KIF7: variants seen among roughly 807,000 people sequenced by gnomAD.
The protein encoded by KIF7 is kinesin family member 7, also known as kinesin-like protein KIF7.
A neutral mutation model predicts 135.7 loss-of-function variants in KIF7; 104 were observed. The ratio of observed to expected loss-of-function variants is 0.77; its 90% CI spans 0.65 to 0.90. KIF7 has a LOEUF of 0.90. Ranked by LOEUF, KIF7 falls within the 40% of genes least tolerant of loss-of-function variation. The pLI, the probability that KIF7 is intolerant of heterozygous loss-of-function variation, is 0.00. For synonymous variants in KIF7, 883 were observed against 809.4 expected (o/e 1.09, Z -1.54); for missense variants, 2,005 against 1,839.1 (o/e 1.09, Z -1.65).
chr15:89,643,488 C>T (rs768845079), intron 10 of KIF7, among the ~76,000 whole-genome samples: 12 of 152,112 alleles, frequency 7.9e-5, no homozygotes, highest in Non-Finnish European at 1.5e-4. Context: ...TATCAAGTGA[C>T]GACTGTATGA....
At chr15:89,622,670 C>G (rs1963445830) in intron 1 of KIF7, among the ~76,000 whole-genome samples, 1 of 152,186 alleles carries the variant, frequency 6.6e-6, no homozygotes, top group South Asian at 2.1e-4. Flanking sequence ...CAGGGTCTTC[C>G]GTGGTCTGTT....
At position 89,648,226 on chromosome 15, in the gene KIF7, A is replaced by ATGC. The variant is rs138023957; in HGVS notation, c.1443+28_1443+29insGCA. 17 of 1,475,956 alleles carry ATGC rather than the reference A, an allele frequency of 1.2e-5. No homozygotes were observed. The Admixed American group carries it at 2.8e-4, about 24-fold the overall frequency. 91.4% of individuals were successfully genotyped at this position (1,475,956 alleles called of 1,614,324 possible). On this transcript the variant is annotated intron_variant, in intron 5 of 18. Transcript: ENST00000394412. ...TCTCCACCACTCCCCACTGCCCACA[A>ATGC]CCACAACCACAACCTGTCCCTCGGC...
upstream of KIF7, among the ~76,000 whole-genome samples, chr15:89,655,782 C>A (rs889439778): frequency 6.6e-6 from 1 of 152,248 alleles, no homozygotes; most frequent in African/African-American, 2.4e-5. Context: ...GCCACTCACA[C>A]AGCCGGCAGA....
downstream of KIF7, chr15:89,624,429 C>A (rs1431641371): frequency 6.2e-7 from 1 of 1,614,058 alleles, no homozygotes; most frequent in African/African-American, 1.3e-5. Flanking sequence ...TGGACACCGT[C>A]CCTCCTCCAC....
At position 89,629,117 on chromosome 15, in the gene KIF7, G is replaced by C; in HGVS notation, c.3523C>G (p.Leu1175Val). 1 of 1,612,356 alleles carries C rather than the reference G, an allele frequency of 6.2e-7. No individual in the cohort carries two copies. The highest frequency in any genetic ancestry group is 1.1e-5 in the South Asian group (1 of 90,934). ...QLLLQQSRDHLGEGLADSRRQ... is the reference protein window; with the variant it reads ...QLLLQQSRDHVGEGLADSRRQ... ...CTGCTGTCTGCTAACCCTTCACCGA[G>C]GTGGTCTAGAGTGGAAAGGTCGAGG... is the stretch of plus-strand genomic sequence containing the variant. The change falls in exon 18 of 19, where the codon CTC becomes GTC. Residue 1175 changes from leucine (L) to valine (V), a missense_variant. Physicochemically the swap from Leu to Val is conservative, Grantham distance 32. Coordinates refer to ENST00000394412, the MANE Select transcript of KIF7 (RefSeq NM_198525.3).
In KIF7 at chr15:89,644,994, C is replaced by T. The variant is rs777687843; in HGVS notation, c.2191+19G>A. On this transcript the variant is annotated intron_variant, in intron 10 of 18. Transcript: ENST00000394412. ...AAGTCCCCCTCGGGTGAGAGGCCCA[C>T]CTGATGCCCACGCCTCACCTGTGCG... The T allele has an allele frequency of 1.6e-5, 26 of 1,606,718 alleles. No individual in the cohort carries two copies. The highest frequency in any genetic ancestry group is 2.7e-5 in the African/African-American group (2 of 74,944).
chr15:89,631,561 G>A lies in KIF7; in HGVS notation c.3045C>T (p.Asp1015=), dbSNP rs369139209. The A allele has an allele frequency of 6.4e-7, 1 of 1,574,734 alleles. No homozygotes were observed. Among genetic ancestry groups the A allele is most frequent in the Non-Finnish European group, 8.6e-7 (1 of 1,158,900 alleles). Residue 1015 remains aspartate (D), a synonymous_variant, in exon 15 of 19, where the codon GAC becomes GAT. Transcript: ENST00000394412. ...GEIDSLRQEK[D]SLLKQRLEID... ...TCTCCAGGCGCTGCTTGAGCAGCGA[G>A]TCCTTCTCCTGGCGCAGGCTGTCGA... is the stretch of plus-strand genomic sequence containing the variant.
At chr15:89,622,377 C>G (rs2141982635) in intron 1 of KIF7, among the ~76,000 whole-genome samples, 1 of 152,304 alleles carries the variant, frequency 6.6e-6, no homozygotes, top group African/African-American at 2.4e-5. Flanking sequence ...ACAGGCTTTT[C>G]CCTCTCAAAG....
chr15:89,662,391 G>C, the KIF7 span, among the ~76,000 whole-genome samples: 2 of 152,226 alleles, frequency 1.3e-5, no homozygotes, highest in African/African-American at 4.8e-5. Context: ...CAGCTATTCA[G>C]GAGGCTGAGG....
downstream of KIF7, chr15:89,624,431 C>G: frequency 6.2e-7 from 1 of 1,614,180 alleles, no homozygotes; most frequent in Non-Finnish European, 8.5e-7. Flanking sequence ...GACACCGTCC[C>G]TCCTCCACCC....
In KIF7 at chr15:89,645,903, G is replaced by T; in HGVS notation, c.1912C>A (p.His638Asn). 2 of 1,613,480 alleles carry T rather than the reference G, an allele frequency of 1.2e-6. No homozygotes were observed. The highest frequency in any genetic ancestry group is 1.7e-6 in the Non-Finnish European group (2 of 1,179,938). The change falls in exon 8 of 19, where the codon CAC becomes AAC. Residue 638 changes from histidine to asparagine, a missense_variant. Transcript: ENST00000394412. ...GTGGGTCCCACTCACCTGCGCAGGT[G>T]TAAGGTCCGCCTGGGCGGCTCCTCC... ...EEEEPPRRTLHLRRNRISNCS... is the reference protein window; with the variant it reads ...EEEEPPRRTLNLRRNRISNCS...
intron 1 of KIF7, among the ~76,000 whole-genome samples, chr15:89,621,151 C>G (rs548842381): frequency 1.3e-5 from 2 of 152,134 alleles, no homozygotes; most frequent in African/African-American, 4.8e-5. Flanking sequence ...TCCTGAGTAG[C>G]TGGGATTACA....
chr15:89,640,331 C>A (rs1235961047), intron 11 of KIF7, among the ~76,000 whole-genome samples: 4 of 151,824 alleles, frequency 2.6e-5, no homozygotes, highest in Non-Finnish European at 5.9e-5. Context: ...TAACAGTATA[C>A]TAATAATGGT....
At chr15:89,650,660 G>A (rs771136535) in intron 2 of KIF7, among the ~76,000 whole-genome samples, 1 of 152,158 alleles carries the variant, frequency 6.6e-6, no homozygotes, top group Non-Finnish European at 1.5e-5. Context: ...CCAAAGTGCT[G>A]GGATTACAGG....
At chr15:89,621,445 T>C in intron 1 of KIF7, 1 of 1,614,028 alleles carries the variant, frequency 6.2e-7, no homozygotes, top group Non-Finnish European at 8.5e-7. Flanking sequence ...AGAGTCTTCT[T>C]TTTGGGGCAA....
intron 2 of KIF7, among the ~76,000 whole-genome samples, chr15:89,651,527 C>T (rs1964124185): frequency 6.6e-6 from 1 of 152,214 alleles, no homozygotes; most frequent in Non-Finnish European, 1.5e-5. Context: ...AGCCACTGTG[C>T]CTGGCCAATG....
At chr15:89,645,472 GC>G in intron 8 of KIF7, 21 bp from the exon 9 acceptor site, 1 of 1,575,066 alleles carries the variant, frequency 6.3e-7, no homozygotes, top group Non-Finnish European at 8.7e-7. Flanking sequence ...GAAGCAGGAG[GC>G]CATGCTCCTC....
chr15:89,624,985 T>A (rs1204338746), downstream of KIF7: 1 of 1,614,064 alleles, frequency 6.2e-7, no homozygotes, highest in Non-Finnish European at 8.5e-7. Context: ...CCCACAGACC[T>A]ATGAGGTTGA....
intron 11 of KIF7, among the ~76,000 whole-genome samples, chr15:89,638,097 G>A: frequency 6.6e-6 from 1 of 151,236 alleles, no homozygotes; most frequent in Non-Finnish European, 1.5e-5. Context: ...TGCAGAAAAG[G>A]CCTTTGACAA....
Sources: allele counts gnomAD v4.1 joint callset (sites outside exome capture counted in the v4.1 genomes callset), GRCh38; gene constraint gnomAD v4.1.1; transcripts MANE v1.5; gene names NCBI Gene and HGNC (gene_info 2026-07-23, HGNC 2026-07-21).